SLC24A3: variants seen among roughly 807,000 people sequenced by gnomAD.
SLC24A3 encodes the protein sodium/potassium/calcium exchanger 3.
SLC24A3 carries 28 observed loss-of-function variants against 75.8 expected under a neutral mutation model. The observed-to-expected ratio is 0.37, with a 90% confidence interval of 0.27 to 0.51. SLC24A3 has a LOEUF of 0.51. Among genes scored for constraint, SLC24A3 ranks in the 20% least tolerant of loss-of-function variants. The probability of loss-of-function intolerance (pLI) is 0.94; values close to 1 mark genes in which losing one functional copy is unlikely to be tolerated. For missense variants in SLC24A3, 663 were observed against 847.8 expected (o/e 0.78, Z 2.71); for synonymous variants, 372 against 334.1 (o/e 1.11, Z -1.24).
At chr20:19,554,808 G>C (rs1232302419) in intron 3 of SLC24A3, among the ~76,000 whole-genome samples, 2 of 152,166 alleles carry the variant, frequency 1.3e-5, no homozygotes, top group Non-Finnish European at 2.9e-5. Flanking sequence ...GCAGGAGATG[G>C]GGCAAGTGAA....
chr20:19,718,428 C>T (rs545569907), intron 16 of SLC24A3, among the ~76,000 whole-genome samples: 32 of 152,318 alleles, frequency 2.1e-4, no homozygotes, highest in Admixed American at 6.5e-4. Context: ...AATAGCCACA[C>T]GCCGTACTTA....
At chr20:19,464,968 G>C (rs918848798) in intron 2 of SLC24A3, among the ~76,000 whole-genome samples, 3 of 152,356 alleles carry the variant, frequency 2.0e-5, no homozygotes, top group Non-Finnish European at 2.9e-5. Flanking sequence ...AAAGCACTCT[G>C]TGCCTGTACC....
At chr20:19,639,439 G>C (rs887120834) in intron 6 of SLC24A3, among the ~76,000 whole-genome samples, 3 of 152,200 alleles carry the variant, frequency 2.0e-5, no homozygotes, top group African/African-American at 7.2e-5. Flanking sequence ...CTAGACACAG[G>C]GTGCTGATTG....
intron 2 of SLC24A3, among the ~76,000 whole-genome samples, chr20:19,482,377 C>T (rs1042798869): frequency 2.6e-5 from 4 of 152,288 alleles, no homozygotes; most frequent in South Asian, 2.1e-4. Context: ...GAACAGTGGT[C>T]CTCCACATCT....
In SLC24A3 at chr20:19,357,300, T is replaced by C. The variant is rs545467566; in HGVS notation, c.271+76213T>C. Among the ~76,000 whole-genome samples the C allele has an allele frequency of 1.6e-4, 25 of 152,274 alleles. No homozygotes were observed. In the South Asian group the frequency reaches 5.0e-3, roughly 30 times the overall value. On this transcript the variant is annotated intron_variant, in intron 2 of 16. Coordinates refer to ENST00000328041, the MANE Select transcript of SLC24A3 (RefSeq NM_020689.4). Reference sequence around the variant, plus strand: ...TGCTGACACCTTCGGTTTGGACTTCTGGCCTCCAGAACTGTGAGAGGCTAC... The same window carrying C: ...TGCTGACACCTTCGGTTTGGACTTCCGGCCTCCAGAACTGTGAGAGGCTAC...
At chr20:19,264,023 A>G (rs1260158414) in intron 1 of SLC24A3, 1 of 151,756 alleles carries the variant, frequency 6.6e-6, no homozygotes, top group East Asian at 1.9e-4. Context: ...GGAGTTCGAG[A>G]CTAGCCTGGG....
intron 7 of SLC24A3, among the ~76,000 whole-genome samples, chr20:19,665,482 A>C (rs1336975148): frequency 6.6e-6 from 1 of 152,240 alleles, no homozygotes; most frequent in Non-Finnish European, 1.5e-5. Flanking sequence ...ATTTGGAAGA[A>C]CCTGCTGAGC....
chr20:19,709,436 A>G (rs889112144), intron 15 of SLC24A3, among the ~76,000 whole-genome samples: 4 of 152,100 alleles, frequency 2.6e-5, no homozygotes, highest in African/African-American at 9.7e-5. Flanking sequence ...TGGTAGGCAG[A>G]CATGGTGAAA....
rs986596114 is a variant in SLC24A3 at position 19,610,049 on chromosome 20, C to G, written c.612+24505C>G. Among the ~76,000 whole-genome samples the G allele has an allele frequency of 2.0e-5, 3 of 152,234 alleles. No homozygotes were observed. In the East Asian group the frequency reaches 5.8e-4, roughly 29 times the overall value. On this transcript the variant is annotated intron_variant, in intron 6 of 16. Transcript: ENST00000328041. Reference sequence around the variant, plus strand: ...ACTGCTCATTTGTTTTCTTTATGAGCTAACTACAGTCCATCACCCCAATTC... The same window carrying G: ...ACTGCTCATTTGTTTTCTTTATGAGGTAACTACAGTCCATCACCCCAATTC...
intron 3 of SLC24A3, among the ~76,000 whole-genome samples, chr20:19,551,819 C>T (rs2030700577): frequency 6.6e-6 from 1 of 152,198 alleles, no homozygotes; most frequent in Admixed American, 6.5e-5. Flanking sequence ...CTTTCATCCT[C>T]CTTCCCTCCA....
intron 7 of SLC24A3, among the ~76,000 whole-genome samples, chr20:19,657,879 C>T (rs1414904846): frequency 6.6e-6 from 1 of 152,140 alleles, no homozygotes; most frequent in East Asian, 1.9e-4. Flanking sequence ...TACTAAGTTT[C>T]TCTATAGGAC....
At chr20:19,542,416 C>T (rs2030515996) in intron 3 of SLC24A3, among the ~76,000 whole-genome samples, 2 of 152,256 alleles carry the variant, frequency 1.3e-5, no homozygotes, top group Non-Finnish European at 2.9e-5. Flanking sequence ...TGACTGGAAA[C>T]CACGCCTAGG....
intron 2 of SLC24A3, among the ~76,000 whole-genome samples, chr20:19,511,054 C>T (rs948079132): frequency 6.6e-6 from 1 of 152,160 alleles, no homozygotes; most frequent in Non-Finnish European, 1.5e-5. Flanking sequence ...ACGGAGCCCC[C>T]CACCCTGCTG....
chr20:19,520,663 T>A (rs1305955900), intron 3 of SLC24A3, among the ~76,000 whole-genome samples: 3 of 152,154 alleles, frequency 2.0e-5, no homozygotes, highest in Non-Finnish European at 4.4e-5. Context: ...TTAACATCAC[T>A]CCTTTTGGTG....
intron 15 of SLC24A3, among the ~76,000 whole-genome samples, chr20:19,705,805 C>T (rs2032924148): frequency 6.6e-6 from 1 of 152,138 alleles, no homozygotes; most frequent in Admixed American, 6.6e-5. Context: ...AAGCATTTGG[C>T]AGGGAAGGAT....
At chr20:19,560,238 T>C (rs2030854235) in intron 3 of SLC24A3, among the ~76,000 whole-genome samples, 1 of 152,160 alleles carries the variant, frequency 6.6e-6, no homozygotes, top group South Asian at 2.1e-4. Flanking sequence ...GGCTCGATCC[T>C]GCGGAAGAGT....
intron 1 of SLC24A3, among the ~76,000 whole-genome samples, chr20:19,273,091 T>A (rs889557176): frequency 6.6e-6 from 1 of 152,180 alleles, no homozygotes; most frequent in Non-Finnish European, 1.5e-5. Context: ...TGGGACCAGT[T>A]TGGACTTCTG....
At chr20:19,638,259 A>T (rs1600314854) in intron 6 of SLC24A3, among the ~76,000 whole-genome samples, 1 of 152,328 alleles carries the variant, frequency 6.6e-6, no homozygotes, top group Non-Finnish European at 1.5e-5. Context: ...AAAGTAGATA[A>T]ATCTAGAAAG....
chr20:19,341,874 G>A (rs1985280103), intron 2 of SLC24A3, among the ~76,000 whole-genome samples: 1 of 152,282 alleles, frequency 6.6e-6, no homozygotes, highest in African/African-American at 2.4e-5. Flanking sequence ...AGTGCCAGCT[G>A]CTGTGTCCTT....
Sources: allele counts gnomAD v4.1 joint callset (sites outside exome capture counted in the v4.1 genomes callset), GRCh38; gene constraint gnomAD v4.1.1; transcripts MANE v1.5; gene names NCBI Gene and HGNC (gene_info 2026-07-23, HGNC 2026-07-21).